The following RUNX1 variants were observed in gnomAD, a reference collection of about 807,000 sequenced individuals.
The protein encoded by RUNX1 is runt-related transcription factor 1.
Under a neutral mutation model 42.8 loss-of-function variants are expected in RUNX1, and 19 were observed. The observed-to-expected ratio is 0.44, with a 90% confidence interval of 0.31 to 0.65. RUNX1 has a LOEUF of 0.65. Ranked by LOEUF, RUNX1 falls within the 30% of genes least tolerant of loss-of-function variation. RUNX1 has a pLI of 0.07. For missense variants in RUNX1, 528 were observed against 672.0 expected, an observed-to-expected ratio of 0.79 and a Z score of 2.37; for synonymous variants, 271 against 289.4, an observed-to-expected ratio of 0.94 and a Z score of 0.64.
At chr21:34,944,974 C>A (rs1042670092) in intron 2 of RUNX1, among the ~76,000 whole-genome samples, 1 of 152,116 alleles carries the variant, frequency 6.6e-6, no homozygotes, top group African/African-American at 2.4e-5. Context: ...CTGAGTTTAG[C>A]CTTTTGTTTC....
At chr21:35,016,729 G>T (rs1338926836) in intron 2 of RUNX1, among the ~76,000 whole-genome samples, 1 of 152,084 alleles carries the variant, frequency 6.6e-6, no homozygotes, top group African/African-American at 2.4e-5. Context: ...GACCAAGACA[G>T]GAATGCTGGG....
chr21:35,023,825 T>A (rs1246189441), intron 2 of RUNX1, among the ~76,000 whole-genome samples: 1 of 152,128 alleles, frequency 6.6e-6, no homozygotes, highest in Non-Finnish European at 1.5e-5. Context: ...AAGGAGAGCA[T>A]CTGTGGGTAC....
chr21:35,008,471 C>T (rs768498443), intron 2 of RUNX1, among the ~76,000 whole-genome samples: 11 of 152,146 alleles, frequency 7.2e-5, no homozygotes, highest in Non-Finnish European at 1.2e-4. Context: ...TTGGAAGGAT[C>T]GATGCTCAGG....
intron 2 of RUNX1, among the ~76,000 whole-genome samples, chr21:34,966,934 C>G (rs1360349515): frequency 6.6e-6 from 1 of 151,862 alleles, no homozygotes; most frequent in Non-Finnish European, 1.5e-5. Flanking sequence ...CGCAGGGGTC[C>G]TAAGAGTAAG....
At chr21:34,840,409 A>G (rs1601427138) in intron 6 of RUNX1, among the ~76,000 whole-genome samples, 1 of 152,192 alleles carries the variant, frequency 6.6e-6, no homozygotes, top group Admixed American at 6.5e-5. Context: ...GTGGACAAGA[A>G]CAAGTCTCTT....
intron 6 of RUNX1, among the ~76,000 whole-genome samples, chr21:34,852,241 C>T (rs2057432430): frequency 6.6e-6 from 1 of 152,094 alleles, no homozygotes; most frequent in Admixed American, 6.5e-5. Context: ...CTGTATAAGA[C>T]AGGAAAAGTT....
At chr21:35,035,050 A>G (rs2059297905) in intron 2 of RUNX1, among the ~76,000 whole-genome samples, 1 of 152,200 alleles carries the variant, frequency 6.6e-6, no homozygotes, top group South Asian at 2.1e-4. Flanking sequence ...CTTGGGGTTC[A>G]CTTGTTAGAT....
intron 5 of RUNX1, among the ~76,000 whole-genome samples, chr21:34,876,196 G>A (rs1033178435): frequency 1.2e-4 from 19 of 152,246 alleles, no homozygotes; most frequent in Admixed American, 3.3e-4. Context: ...GACAGAATAG[G>A]CCCCCTCCCC....
chr21:34,904,957 T>C (rs2058206299), intron 2 of RUNX1, among the ~76,000 whole-genome samples: 1 of 149,756 alleles, frequency 6.7e-6, no homozygotes, highest in Non-Finnish European at 1.5e-5. Context: ...CACCAAATAA[T>C]GAAGTAGACT....
chr21:35,002,905 C>T (rs2059057302), intron 2 of RUNX1, among the ~76,000 whole-genome samples: 2 of 152,064 alleles, frequency 1.3e-5, no homozygotes, highest in Admixed American at 1.3e-4. Flanking sequence ...AAAACCAATA[C>T]ATCCACATTT....
intron 8 of RUNX1, 114 bp downstream of exon 8, chr21:34,799,187 A>G: frequency 4.5e-6 from 5 of 1,122,294 alleles, no homozygotes; most frequent in Non-Finnish European, 6.8e-6. Context: ...GAGATAGGTC[A>G]CCTTTAAACC....
intron 2 of RUNX1, among the ~76,000 whole-genome samples, chr21:34,963,021 C>T (rs866004263): frequency 6.6e-6 from 1 of 152,208 alleles, no homozygotes; most frequent in South Asian, 2.1e-4. Flanking sequence ...TTTAAAAGCT[C>T]CGAAGGCGGT....
At chr21:34,840,699 C>G (rs1210988411) in intron 6 of RUNX1, among the ~76,000 whole-genome samples, 4 of 152,158 alleles carry the variant, frequency 2.6e-5, no homozygotes, top group Non-Finnish European at 1.5e-5. Context: ...GGTCGCCCAG[C>G]CTGCGATCCC....
At chr21:34,888,107 C>G (rs1209255905) in intron 3 of RUNX1, 2 of 1,066,184 alleles carry the variant, frequency 1.9e-6, no homozygotes, top group Non-Finnish European at 2.3e-6. Context: ...ACGCACTCTT[C>G]GGAAGGCAGC....
intron 7 of RUNX1, among the ~76,000 whole-genome samples, chr21:34,807,682 A>G (rs2056698892): frequency 6.6e-6 from 1 of 152,140 alleles, no homozygotes; most frequent in Non-Finnish European, 1.5e-5. Flanking sequence ...AACACACAAC[A>G]GGATGTGACT....
chr21:35,003,518 T>C (rs141886987), intron 2 of RUNX1, among the ~76,000 whole-genome samples: 3 of 138,730 alleles, frequency 2.2e-5, no homozygotes, highest in Admixed American at 2.1e-4. Context: ...AGAAAAGCTG[T>C]CTTTTTTTTT....
chr21:34,792,379 G>C lies in RUNX1; in HGVS notation c.1199C>G (p.Ser400Trp). 1.3e-6 allele frequency: 2 copies of C among 1,565,834 alleles called. No homozygotes were observed. The highest frequency in any genetic ancestry group is 1.2e-5 in the South Asian group (1 of 85,336). The change falls in exon 9 of 9, where the codon TCG becomes TGG. Residue 400 changes from serine to tryptophan, a missense_variant. Physicochemically the swap from Ser to Trp is radical, Grantham distance 177. Transcript: ENST00000675419. The surrounding 1 kb of genome is among the most constrained non-coding windows in gnomAD (Gnocchi z 6.9). Reference protein sequence around the residue: ...QAQGGPFQASSPSYHLYYGAS... With the variant: ...QAQGGPFQASWPSYHLYYGAS... ...GCCGTAGTACAGGTGGTAGGAGGGC[G>C]AGCTGGCTTGGAACGGGCCTCCCTG...
rs574989635 is a variant in RUNX1, at chr21:34,938,344, T to C, written c.59-45381A>G. 5.9e-5 allele frequency among the ~76,000 whole-genome samples: 9 copies of C among 152,304 alleles called. No homozygotes were observed. In the South Asian group the frequency reaches 8.3e-4, roughly 14 times the overall value. On this transcript the variant is annotated intron_variant, in intron 2 of 8. Coordinates refer to ENST00000675419, the MANE Select transcript of RUNX1 (RefSeq NM_001754.5). The stretch of plus-strand genomic sequence containing the variant: ...TAACTAAACTCTTTCAGTTACTAAT[T>C]AAGGGATAAATTAGGTTCCTATTAG...
chr21:34,966,514 G>C lies in RUNX1; in HGVS notation c.59-73551C>G, dbSNP rs58558673. Reference sequence around the variant, plus strand: ...TTGGTTTACTGCCCTGCTGTCCAGAGGAAGGCGTGAGGTAGCCCCCAACCC... The same window carrying C: ...TTGGTTTACTGCCCTGCTGTCCAGACGAAGGCGTGAGGTAGCCCCCAACCC... On this transcript the variant is annotated intron_variant, in intron 2 of 8. Coordinates refer to ENST00000675419, the MANE Select transcript of RUNX1 (RefSeq NM_001754.5). Among the ~76,000 whole-genome samples, 255 of 152,268 alleles carry C rather than the reference G, an allele frequency of 1.7e-3. 5 individuals carry two copies. In the South Asian group the frequency reaches 0.04, roughly 24 times the overall value.
Sources: gnomAD v4.1 joint callset for allele counts (sites outside exome capture counted in the v4.1 genomes callset) on GRCh38, gnomAD v4.1.1 for gene constraint, Gnocchi (gnomAD v3.1) non-coding constraint, MANE v1.5 for transcripts, NCBI Gene and HGNC (gene_info 2026-07-23, HGNC 2026-07-21) for gene names.